The following SGCZ variants were observed in gnomAD, a reference collection of about 807,000 sequenced individuals.
SGCZ encodes sarcoglycan zeta, also known as zeta-sarcoglycan.
In SGCZ, 40 loss-of-function variants were observed where a neutral mutation model predicts 41.3. The ratio of observed to expected loss-of-function variants is 0.97; its 90% CI spans 0.75 to 1.26. SGCZ has a LOEUF of 1.26. SGCZ is among the 50% of genes most tolerant of loss of function. The probability of loss-of-function intolerance (pLI) is 0.00; values close to 1 mark genes in which losing one functional copy is unlikely to be tolerated. For missense variants in SGCZ, 552 were observed against 369.8 expected, an observed-to-expected ratio of 1.49 and a Z score of -4.04; for synonymous variants, 206 against 137.5, an observed-to-expected ratio of 1.50 and a Z score of -3.49.
chr8:14,913,525 C>A (rs1487556162), intron 1 of SGCZ, among the ~76,000 whole-genome samples: 1 of 151,868 alleles, frequency 6.6e-6, no homozygotes, highest in Non-Finnish European at 1.5e-5. Flanking sequence ...TTATGTAGGC[C>A]TAAAAAGTTT....
At chr8:14,545,561 A>C in intron 2 of SGCZ, among the ~76,000 whole-genome samples, 1 of 152,136 alleles carries the variant, frequency 6.6e-6, no homozygotes, top group East Asian at 1.9e-4. Flanking sequence ...TTACTTGCAA[A>C]AATAAGTTTA....
chr8:14,157,314 T>C (rs1489764739), intron 5 of SGCZ, among the ~76,000 whole-genome samples: 1 of 146,886 alleles, frequency 6.8e-6, no homozygotes, highest in African/African-American at 2.5e-5. Flanking sequence ...CAATATTATA[T>C]GTTATATACA....
At chr8:14,410,780 C>G (rs1328013014) in intron 2 of SGCZ, among the ~76,000 whole-genome samples, 2 of 151,984 alleles carry the variant, frequency 1.3e-5, no homozygotes, top group Non-Finnish European at 2.9e-5. Flanking sequence ...GTAAAATATA[C>G]AAAAACCAAT....
At chr8:15,045,317 G>A (rs1390258968) in intron 1 of SGCZ, among the ~76,000 whole-genome samples, 1 of 152,004 alleles carries the variant, frequency 6.6e-6, no homozygotes, top group East Asian at 1.9e-4. Flanking sequence ...TTAAATGATA[G>A]GTGGATTCAG....
chr8:14,567,710 T>C (rs925370774), intron 1 of SGCZ, among the ~76,000 whole-genome samples: 1 of 152,118 alleles, frequency 6.6e-6, no homozygotes, highest in African/African-American at 2.4e-5. Context: ...GTGCACACTG[T>C]CTTTATGAGC....
At chr8:15,008,840 G>A (rs1191539190) in intron 1 of SGCZ, among the ~76,000 whole-genome samples, 1 of 148,208 alleles carries the variant, frequency 6.7e-6, no homozygotes, top group Non-Finnish European at 1.5e-5. Flanking sequence ...AGAGAGGGGA[G>A]GGATTAAAAC....
intron 1 of SGCZ, among the ~76,000 whole-genome samples, chr8:14,677,175 G>A (rs1424762743): frequency 6.6e-6 from 1 of 151,988 alleles, no homozygotes; most frequent in Admixed American, 6.6e-5. Context: ...CAATGAGAAA[G>A]TGGGAACTGA....
chr8:14,425,233 C>A (rs1297571596), intron 2 of SGCZ, among the ~76,000 whole-genome samples: 1 of 152,164 alleles, frequency 6.6e-6, no homozygotes, highest in Non-Finnish European at 1.5e-5. Flanking sequence ...TTTCTCACTA[C>A]CAGCTGAGAG....
chr8:15,187,369 T>A (rs117536536), intron 1 of SGCZ, among the ~76,000 whole-genome samples: 2,977 of 152,200 alleles, frequency 0.02, 50 homozygotes, highest in Admixed American at 0.041. Context: ...TTAGAATACA[T>A]GTGCATGTAA....
At chr8:14,338,669 T>C (rs1403946092) in intron 2 of SGCZ, among the ~76,000 whole-genome samples, 2 of 152,206 alleles carry the variant, frequency 1.3e-5, no homozygotes, top group Non-Finnish European at 2.9e-5. Flanking sequence ...AAAATATGCA[T>C]CTACTTTGTT....
intron 1 of SGCZ, among the ~76,000 whole-genome samples, chr8:15,159,993 ATT>A (rs991366558): frequency 2.6e-5 from 4 of 151,718 alleles, no homozygotes; most frequent in Non-Finnish European, 5.9e-5. Flanking sequence ...TCAAGACCTG[ATT>A]TTTTTGTTGT....
chr8:14,231,610 C>G (rs1167454455), intron 4 of SGCZ, among the ~76,000 whole-genome samples: 1 of 151,878 alleles, frequency 6.6e-6, no homozygotes, highest in Non-Finnish European at 1.5e-5. Flanking sequence ...TCATTTGTCT[C>G]CCATCCACAA....
In SGCZ at chr8:15,127,261, AACACACACACACAC is replaced by A. The variant is rs376177614; in HGVS notation, c.39+110310_39+110323del. 3.6e-3 allele frequency among the ~76,000 whole-genome samples: 197 copies of A among 55,432 alleles called. 1 individual carries two copies. The highest frequency in any genetic ancestry group is 0.012 in the African/African-American group (163 of 14,048). 36.4% of individuals were successfully genotyped at this position (55,432 alleles called of 152,430 possible). A position where few individuals can be genotyped will look rare whatever the true frequency, so the allele number is the denominator to read the frequency against. On this transcript the variant is annotated intron_variant, in intron 1 of 7. Transcript: ENST00000382080. ...ACACACACACACACACACACAAACA[AACACACACACACAC>A]ACACACACACACATATACATACATG...
chr8:14,937,783 T>C (rs549961638), intron 1 of SGCZ, among the ~76,000 whole-genome samples: 2 of 152,252 alleles, frequency 1.3e-5, no homozygotes, highest in South Asian at 2.1e-4. Flanking sequence ...TTAAATGTTA[T>C]GTAATAAATT....
rs1207922221 is a variant in SGCZ at position 14,397,838 on chromosome 8, A to G, written c.235-73634T>C. On this transcript the variant is annotated intron_variant, in intron 2 of 7. Transcript: ENST00000382080. ...GGTCTTCCACAAGGTGCTTCGTCTA[A>G]GATTGTCAACCCTGAGCAGAGCCAT... Among the ~76,000 whole-genome samples the G allele has an allele frequency of 2.0e-5, 3 of 152,106 alleles. No homozygotes were observed. The East Asian group carries it at 5.8e-4, about 29-fold the overall frequency.
At chr8:15,207,187 T>A (rs995608718) in intron 1 of SGCZ, among the ~76,000 whole-genome samples, 1 of 152,138 alleles carries the variant, frequency 6.6e-6, no homozygotes, top group Non-Finnish European at 1.5e-5. Flanking sequence ...GCTGTTTTTT[T>A]CCAGACACAC....
chr8:14,810,794 CTTGT>C (rs1478708919), intron 1 of SGCZ, among the ~76,000 whole-genome samples: 2 of 151,944 alleles, frequency 1.3e-5, no homozygotes, highest in African/African-American at 2.4e-5. Context: ...TGTTTATTTA[CTTGT>C]TTGTTTATTT....
chr8:14,399,422 G>C (rs945868020), intron 2 of SGCZ, among the ~76,000 whole-genome samples: 3 of 152,044 alleles, frequency 2.0e-5, no homozygotes, highest in Admixed American at 2.0e-4. Context: ...AATCACACTT[G>C]ACAGGCTGGA....
At chr8:14,202,453 G>A (rs972401997) in intron 4 of SGCZ, among the ~76,000 whole-genome samples, 14 of 151,838 alleles carry the variant, frequency 9.2e-5, no homozygotes, top group African/African-American at 2.9e-4. Flanking sequence ...CATAGATAAC[G>A]AATGTACCAA....
Sources: gnomAD v4.1 joint callset for allele counts (sites outside exome capture counted in the v4.1 genomes callset) on GRCh38, gnomAD v4.1.1 for gene constraint, MANE v1.5 for transcripts, NCBI Gene and HGNC (gene_info 2026-07-23, HGNC 2026-07-21) for gene names.